VRK1: variants seen among roughly 807,000 people sequenced by gnomAD.
VRK1 encodes serine/threonine-protein kinase VRK1.
A neutral mutation model predicts 57.1 loss-of-function variants in VRK1; 33 were observed. The observed-to-expected ratio is 0.58, with a 90% CI of 0.44 to 0.77. The LOEUF (loss-of-function observed/expected upper bound fraction) is 0.77, where lower values mean the gene tolerates loss of function less well. VRK1 is among the 30% of genes least tolerant of loss of function. The pLI is 0.00. For synonymous variants in VRK1, 137 were observed against 147.8 expected, an observed-to-expected ratio of 0.93 and a Z score of 0.53; for missense variants, 413 against 477.3, an observed-to-expected ratio of 0.87 and a Z score of 1.25.
At chr14:96,799,292 C>A in intron 1 of VRK1, among the ~76,000 whole-genome samples, 1 of 151,276 alleles carries the variant, frequency 6.6e-6, no homozygotes. Context: ...GTTGACAGAC[C>A]CTAAAATTAA....
intron 1 of VRK1, among the ~76,000 whole-genome samples, chr14:96,830,876 T>G (rs1245564684): frequency 6.6e-6 from 1 of 152,242 alleles, no homozygotes; most frequent in Non-Finnish European, 1.5e-5. Context: ...TTCTTTTTCC[T>G]TTCTTCGTAT....
chr14:96,805,696 G>A (rs2139682394), intron 1 of VRK1, among the ~76,000 whole-genome samples: 1 of 152,226 alleles, frequency 6.6e-6, no homozygotes, highest in Non-Finnish European at 1.5e-5. Context: ...TTAGAACATG[G>A]AAAAATGTAT....
intron 1 of VRK1, among the ~76,000 whole-genome samples, chr14:96,828,988 T>C (rs561452320): frequency 1.3e-4 from 20 of 152,154 alleles, no homozygotes; most frequent in Non-Finnish European, 2.5e-4. Context: ...TAAAGAAATA[T>C]TTCTGTCATA....
At chr14:96,809,086 C>T (rs1036991842) in intron 1 of VRK1, among the ~76,000 whole-genome samples, 4 of 150,508 alleles carry the variant, frequency 2.7e-5, no homozygotes, top group South Asian at 2.1e-4. Context: ...TTGACTAGAA[C>T]GTCTAGAAGA....
intron 1 of VRK1, among the ~76,000 whole-genome samples, chr14:96,806,945 T>G (rs990077790): frequency 6.6e-6 from 1 of 151,844 alleles, no homozygotes; most frequent in Non-Finnish European, 1.5e-5. Flanking sequence ...TCCTCCTGAG[T>G]AGCTGGAATG....
At chr14:96,833,362 G>A (rs1410772964) in intron 1 of VRK1, 105 bp from the exon 2 acceptor site, 3 of 1,332,774 alleles carry the variant, frequency 2.3e-6, no homozygotes, top group East Asian at 2.5e-5. Flanking sequence ...TTTGGAGTAA[G>A]TAGGAATTTG....
rs1430699106 is a variant in VRK1, at chr14:96,845,475, AAC to A, written c.217-618_217-617del. Among the ~76,000 whole-genome samples the A allele has an allele frequency of 8.5e-5, 13 of 152,342 alleles. 1 individual carries two copies. Among genetic ancestry groups the A allele is most frequent in the African/African-American group, 3.1e-4 (13 of 41,578 alleles). On this transcript the variant is annotated intron_variant, in intron 3 of 12. Transcript: ENST00000216639. ...AAAACATAAAATGAATGTAGTCCAT[AAC>A]ATTGGTAGAAAACAATTGTTAATGA...
chr14:96,868,368 G>A (rs905068597), intron 11 of VRK1, among the ~76,000 whole-genome samples: 4 of 152,116 alleles, frequency 2.6e-5, no homozygotes, highest in Admixed American at 2.0e-4. Context: ...GGGTGGGACC[G>A]TCGGGATTTT....
chr14:96,877,515 C>T (rs1015379716), intron 12 of VRK1: 57 of 1,289,262 alleles, frequency 4.4e-5, no homozygotes, highest in Non-Finnish European at 5.7e-5. Context: ...GTGAGGAGTC[C>T]CAAGGAGCAA....
intron 1 of VRK1, among the ~76,000 whole-genome samples, chr14:96,824,742 C>T (rs556776183): frequency 8.4e-4 from 127 of 151,464 alleles, no homozygotes; most frequent in Middle Eastern, 6.8e-3. Context: ...CAAGCTCTGC[C>T]TCCTGGGTTC....
At chr14:96,859,379 G>A (rs76488535) in intron 10 of VRK1, among the ~76,000 whole-genome samples, 7,097 of 151,992 alleles carry the variant, frequency 0.047, 186 homozygotes, top group Non-Finnish European at 0.062. Context: ...TTTTCCTATC[G>A]TACTAGCTAA....
At chr14:96,816,982 T>G (rs1886418758) in intron 1 of VRK1, among the ~76,000 whole-genome samples, 1 of 152,240 alleles carries the variant, frequency 6.6e-6, no homozygotes, top group South Asian at 2.1e-4. Context: ...GGTGGATTTA[T>G]TTTTAAAAAG....
At chr14:96,878,872 A>T (rs1441264387) in intron 12 of VRK1, among the ~76,000 whole-genome samples, 1 of 152,178 alleles carries the variant, frequency 6.6e-6, no homozygotes. Context: ...TCATGCCAGT[A>T]TTTCAGAATT....
chr14:96,846,291 T>A (rs985232457), intron 4 of VRK1, 127 bp downstream of exon 4: 8 of 908,802 alleles, frequency 8.8e-6, no homozygotes, highest in Non-Finnish European at 1.4e-5. Flanking sequence ...AAATTCCACT[T>A]ACATGGGATT....
At chr14:96,848,323 C>A (rs1887797459) in intron 5 of VRK1, among the ~76,000 whole-genome samples, 1 of 152,156 alleles carries the variant, frequency 6.6e-6, no homozygotes, top group Non-Finnish European at 1.5e-5. Flanking sequence ...TTCCCAGGAG[C>A]CCTGTGGCAG....
At position 96,802,321 on chromosome 14, in the gene VRK1, C is replaced by A. The variant is rs182925210; in HGVS notation, c.-6+4874C>A. Among the ~76,000 whole-genome samples the A allele has an allele frequency of 2.0e-5, 3 of 152,148 alleles. No individual in the cohort carries two copies. In the East Asian group the frequency reaches 5.8e-4, roughly 29 times the overall value. On this transcript the variant is annotated intron_variant, in intron 1 of 12. Coordinates refer to ENST00000216639, the MANE Select transcript of VRK1 (RefSeq NM_003384.3). ...ACCTGTACATGAATGCTCGTAGAAG[C>A]CTTGTTTATAATAGCTAAAAACCAG...
chr14:96,837,444 C>G (rs1044917846), intron 2 of VRK1, among the ~76,000 whole-genome samples: 1 of 152,096 alleles, frequency 6.6e-6, no homozygotes, highest in African/African-American at 2.4e-5. Context: ...CTGGGGAATT[C>G]ACAATATCCA....
intron 3 of VRK1, among the ~76,000 whole-genome samples, chr14:96,844,665 C>T (rs944498107): frequency 2.0e-5 from 3 of 152,164 alleles, no homozygotes; most frequent in African/African-American, 7.2e-5. Flanking sequence ...CCTCAGCCTC[C>T]TAAGTAGCTG....
chr14:96,876,782 A>C (rs1465327374), intron 12 of VRK1, among the ~76,000 whole-genome samples: 18 of 151,752 alleles, frequency 1.2e-4, no homozygotes, highest in Non-Finnish European at 2.5e-4. Context: ...GAAGCAAAAA[A>C]AAAAAAAAAC....
Sources: gnomAD v4.1 joint callset for allele counts (sites outside exome capture counted in the v4.1 genomes callset) on GRCh38, gnomAD v4.1.1 for gene constraint, MANE v1.5 for transcripts, NCBI Gene and HGNC (gene_info 2026-07-23, HGNC 2026-07-21) for gene names.